The following TNRC6C variants were observed in gnomAD, a reference collection of about 807,000 sequenced individuals.
TNRC6C encodes the protein trinucleotide repeat containing adaptor 6C, also known as trinucleotide repeat-containing gene 6C protein.
In TNRC6C, 20 loss-of-function variants were observed where a neutral mutation model predicts 153.7. The ratio of observed to expected loss-of-function variants is 0.13; its 90% CI spans 0.09 to 0.19. The LOEUF is 0.19. Among genes scored for constraint, TNRC6C ranks in the 10% least tolerant of loss-of-function variants. The pLI is 1.00. For missense variants in TNRC6C, 1,987 were observed against 2,172.0 expected (o/e 0.91, Z 1.69); for synonymous variants, 811 against 841.4 (o/e 0.96, Z 0.63).
chr17:78,049,573 T>A lies in TNRC6C; in HGVS notation c.511T>A (p.Ser171Thr), dbSNP rs751654983. ...ACAAACGTCCACTTCTCAGAATGTG[T>A]CTTTCAGCGCACAACCTCAGAACCT... Residue 171 changes from serine (S) to threonine (T), a missense_variant, in exon 3 of 20, where the codon TCT (serine) becomes ACT (threonine). Ser to Thr is a moderately conservative substitution (Grantham distance 58). Around this residue, in one of 4 missense-constraint regions of TNRC6C, gnomAD observed 1,052 missense variants for 1,017.0 expected, o/e 1.03. Transcript: ENST00000301624. This position sits in a 1 kb window ranked among gnomAD's most constrained non-coding sequence, Gnocchi z 4.1. 27 of 1,613,966 alleles carry A rather than the reference T, an allele frequency of 1.7e-5. No individual in the cohort carries two copies. The South Asian group carries it at 2.3e-4, about 14-fold the overall frequency.
chr17:78,071,248 G>A (rs765414947), intron 6 of TNRC6C, 83 bp downstream of exon 8: 131 of 1,371,248 alleles, frequency 9.6e-5, no homozygotes, highest in Non-Finnish European at 1.3e-4. Context: ...TGTTTGTTAT[G>A]TGTGTCAGAA....
At chr17:78,033,129 A>G (rs2072107484) in intron 2 of TNRC6C, among the ~76,000 whole-genome samples, 1 of 152,200 alleles carries the variant, frequency 6.6e-6, no homozygotes, top group Non-Finnish European at 1.5e-5. Flanking sequence ...AAAACTGAAT[A>G]AGAAATGTAA....
chr17:78,028,485 T>C (rs923383764), intron 1 of TNRC6C, among the ~76,000 whole-genome samples: 1 of 151,842 alleles, frequency 6.6e-6, no homozygotes, highest in Non-Finnish European at 1.5e-5. Context: ...AGTCAGGAAG[T>C]AGGGAGAGTA....
intron 2 of TNRC6C, among the ~76,000 whole-genome samples, chr17:78,044,750 A>G (rs1386524908): frequency 1.3e-5 from 2 of 152,214 alleles, no homozygotes; most frequent in Middle Eastern, 3.2e-3. Flanking sequence ...TAGTTGTGAC[A>G]GAGACTATAT....
intron 3 of TNRC6C, among the ~76,000 whole-genome samples, chr17:78,053,643 A>G (rs2072584247): frequency 6.6e-6 from 1 of 151,850 alleles, no homozygotes; most frequent in African/African-American, 2.4e-5. Flanking sequence ...AAAAAAAAAG[A>G]AAGAAAGAAA....
intron 3 of TNRC6C, among the ~76,000 whole-genome samples, chr17:78,053,400 C>T (rs755356959): frequency 6.6e-6 from 1 of 152,016 alleles, no homozygotes; most frequent in African/African-American, 2.4e-5. Flanking sequence ...GAGGCCAAGG[C>T]GGGCAGATCA....
intron 1 of TNRC6C, among the ~76,000 whole-genome samples, chr17:78,008,043 A>T (rs1315821694): frequency 6.6e-6 from 1 of 152,218 alleles, no homozygotes; most frequent in Non-Finnish European, 1.5e-5. Context: ...CTCCTGGAGA[A>T]TATTAACTAG....
chr17:78,029,233 T>A (rs1474664880), intron 1 of TNRC6C, among the ~76,000 whole-genome samples: 1 of 152,204 alleles, frequency 6.6e-6, no homozygotes, highest in Admixed American at 6.5e-5. Context: ...AGTACGATCA[T>A]ACCTTGCTTG....
intron 1 of TNRC6C, among the ~76,000 whole-genome samples, chr17:77,997,794 A>G (rs1417762697): frequency 6.6e-6 from 1 of 151,836 alleles, no homozygotes; most frequent in Non-Finnish European, 1.5e-5. Context: ...AGCTGGGACT[A>G]CAGGCACCTG....
intron 17 of TNRC6C, among the ~76,000 whole-genome samples, chr17:78,099,407 G>A (rs1217947144): frequency 6.6e-6 from 1 of 152,190 alleles, no homozygotes; most frequent in Non-Finnish European, 1.5e-5. Context: ...GAGATTTATT[G>A]GACTTACAGT....
intron 1 of TNRC6C, among the ~76,000 whole-genome samples, chr17:78,014,059 G>C (rs2071684775): frequency 6.6e-6 from 1 of 152,142 alleles, no homozygotes; most frequent in African/African-American, 2.4e-5. Context: ...GCGGGTTGTA[G>C]GATTCTGCAC....
At chr17:77,979,047 C>A (rs1334422081) in intron 1 of TNRC6C, among the ~76,000 whole-genome samples, 1 of 152,036 alleles carries the variant, frequency 6.6e-6, no homozygotes, top group African/African-American at 2.4e-5. Flanking sequence ...GATAAGGTTA[C>A]CCACAGGAGA....
At chr17:78,035,211 G>A (rs767233947) in intron 2 of TNRC6C, among the ~76,000 whole-genome samples, 4 of 152,278 alleles carry the variant, frequency 2.6e-5, no homozygotes, top group South Asian at 4.1e-4. Context: ...ATGTTGTTAC[G>A]GTGTTGGCAC....
chr17:78,008,410 A>G (rs890488515), intron 1 of TNRC6C: 7 of 152,364 alleles, frequency 4.6e-5, no homozygotes, highest in African/African-American at 1.7e-4. Context: ...GTGAAACACT[A>G]TGCTGCCAAC....
At chr17:78,082,128 C>T (rs993972953) in intron 10 of TNRC6C, among the ~76,000 whole-genome samples, 1 of 150,214 alleles carries the variant, frequency 6.7e-6, no homozygotes, top group African/African-American at 2.5e-5. Flanking sequence ...TTCTTTGTTC[C>T]CAGGCAGATT....
chr17:78,096,553 C>T (rs2073490316), intron 16 of TNRC6C, among the ~76,000 whole-genome samples: 1 of 152,236 alleles, frequency 6.6e-6, no homozygotes, highest in South Asian at 2.1e-4. Context: ...GGACACTGCA[C>T]GTGTCCAGGA....
chr17:78,051,504 T>C, intron 3 of TNRC6C, 56 bp downstream of exon 5: 4 of 1,266,248 alleles, frequency 3.2e-6, no homozygotes, highest in Non-Finnish European at 4.2e-6. Context: ...AAAAAGCTTA[T>C]TCTCATTATA....
Position 78,075,188 on chromosome 17 carries a change from C to T in TNRC6C, c.2970C>T (p.Thr990=), listed in dbSNP as rs757899185. 35 of 1,610,948 alleles carry T rather than the reference C, an allele frequency of 2.2e-5. No individual in the cohort carries two copies. The highest frequency in any genetic ancestry group is 3.4e-5 in the Admixed American group (2 of 59,598). ...TGGACAAGCGTGGGCTGGGAGTGACCGACCATAATGGAATGGCCGCCAAGC... is the reference window on the plus strand; with the variant it reads ...TGGACAAGCGTGGGCTGGGAGTGACTGACCATAATGGAATGGCCGCCAAGC... The change falls in exon 8 of 20, where the codon ACC becomes ACT. Residue 990 remains threonine, a synonymous_variant. Transcript: ENST00000301624. The surrounding 1 kb of genome is among the most constrained non-coding windows in gnomAD (Gnocchi z 4.2).
intron 10 of TNRC6C, among the ~76,000 whole-genome samples, chr17:78,081,945 C>T (rs1400551509): frequency 1.3e-5 from 2 of 152,022 alleles, no homozygotes; most frequent in Non-Finnish European, 2.9e-5. Context: ...TCTCTGAAGA[C>T]TTTCCTTCTT....
Sources: allele counts gnomAD v4.1 joint callset (sites outside exome capture counted in the v4.1 genomes callset), GRCh38; gene constraint gnomAD v4.1.1; regional missense constraint gnomAD v4.1.1; non-coding constraint Gnocchi (gnomAD v3.1); transcripts MANE v1.5; gene names NCBI Gene and HGNC (gene_info 2026-07-23, HGNC 2026-07-21).